The following PHC3 variants were observed in gnomAD, a reference collection of about 807,000 sequenced individuals.
PHC3 encodes the protein polyhomeotic-like protein 3.
In PHC3, 13 loss-of-function variants were observed where a neutral mutation model predicts 107.4. The ratio of observed to expected loss-of-function variants is 0.12; its 90% CI spans 0.08 to 0.19. PHC3 has a LOEUF of 0.19. Among genes scored for constraint, PHC3 ranks in the 10% least tolerant of loss-of-function variants. The pLI is 1.00. For synonymous variants in PHC3, 456 were observed against 427.4 expected, an observed-to-expected ratio of 1.07 and a Z score of -0.83; for missense variants, 992 against 1,210.9, an observed-to-expected ratio of 0.82 and a Z score of 2.68.
intron 6 of PHC3, among the ~76,000 whole-genome samples, chr3:170,140,193 C>T (rs540667903): frequency 4.2e-4 from 62 of 148,504 alleles, no homozygotes; most frequent in African/African-American, 1.5e-3. Context: ...CCCAGATAGC[C>T]TTACTGGGGA....
Position 170,129,192 on chromosome 3 carries a change from T to C in PHC3, c.1280A>G (p.His427Arg), listed in dbSNP as rs746800495. Residue 427 changes from histidine (H) to arginine (R), a missense_variant, in exon 8 of 15, where the codon CAT becomes CGT. By Grantham distance (29) the His-to-Arg change is conservative. This residue lies in a region of PHC3 where 543 missense variants were observed against 590.8 expected (regional missense o/e 0.92). Coordinates refer to ENST00000495893, the MANE Select transcript of PHC3 (RefSeq NM_024947.4). ...SPSQSPTIIIHPQALIQPHPL... is the reference protein window; with the variant it reads ...SPSQSPTIIIRPQALIQPHPL... ...GTGTGGCTGAATAAGTGCTTGTGGA[T>C]GAATAATTATAGTAGGAGACTGACT... 6.2e-7 allele frequency: 1 copy of C among 1,613,918 alleles called. No individual in the cohort carries two copies. Among genetic ancestry groups the C allele is most frequent in the Non-Finnish European group, 8.5e-7 (1 of 1,179,858 alleles).
chr3:170,099,965 G>T (rs1488691833), intron 14 of PHC3, among the ~76,000 whole-genome samples: 1 of 152,126 alleles, frequency 6.6e-6, no homozygotes, highest in African/African-American at 2.4e-5. Flanking sequence ...AAGATAACCC[G>T]CAGTAAATTG....
chr3:170,141,726 C>T (rs1384500399), intron 6 of PHC3, among the ~76,000 whole-genome samples: 9 of 152,140 alleles, frequency 5.9e-5, no homozygotes, highest in African/African-American at 2.2e-4. Flanking sequence ...ATCCTCCCAC[C>T]TCAGCCCCCC....
intron 11 of PHC3, among the ~76,000 whole-genome samples, chr3:170,111,241 C>T (rs189258577): frequency 3.9e-4 from 54 of 138,558 alleles, no homozygotes; most frequent in East Asian, 1.5e-3. Flanking sequence ...CCGGTGACTA[C>T]GATTTTCTTT....
chr3:170,117,833 A>G (rs1226058315), intron 9 of PHC3, among the ~76,000 whole-genome samples: 1 of 145,506 alleles, frequency 6.9e-6, no homozygotes, highest in East Asian at 2.4e-4. Context: ...CATCTCTACT[A>G]AAAAAAAAAC....
chr3:170,152,701 C>T (rs1726208796), intron 4 of PHC3, among the ~76,000 whole-genome samples: 1 of 151,776 alleles, frequency 6.6e-6, no homozygotes, highest in Admixed American at 6.6e-5. Context: ...CCCTCTGTCA[C>T]CCAGGCTGGG....
chr3:170,099,021 C>T (rs1421549371), intron 14 of PHC3, among the ~76,000 whole-genome samples: 1 of 152,080 alleles, frequency 6.6e-6, no homozygotes, highest in Non-Finnish European at 1.5e-5. Context: ...ATGTTCTTCT[C>T]TCTTCAGTCT....
At chr3:170,101,699 G>T (rs1185325273) in intron 14 of PHC3, among the ~76,000 whole-genome samples, 1 of 152,118 alleles carries the variant, frequency 6.6e-6, no homozygotes, top group Non-Finnish European at 1.5e-5. Context: ...TATAACTAGT[G>T]TGGGTCTCAT....
At chr3:170,115,433 C>T (rs1351972695) in intron 10 of PHC3, among the ~76,000 whole-genome samples, 1 of 151,934 alleles carries the variant, frequency 6.6e-6, no homozygotes, top group African/African-American at 2.4e-5. Context: ...TACATATATA[C>T]AATACATATG....
At chr3:170,146,524 C>CT (rs1050890392) in intron 5 of PHC3, among the ~76,000 whole-genome samples, 2 of 146,290 alleles carry the variant, frequency 1.4e-5, no homozygotes, top group African/African-American at 5.0e-5. Flanking sequence ...CTTTTTTTTC[C>CT]TTTTCTTTTT....
At chr3:170,129,644 G>A in intron 7 of PHC3, 92 bp from the exon 8 acceptor site, 2 of 1,221,132 alleles carry the variant, frequency 1.6e-6, no homozygotes, top group Non-Finnish European at 2.3e-6. Context: ...TTATCAGAAG[G>A]TCATAATCAT....
rs1327020757 is a variant in PHC3, at chr3:170,095,622, C to T, written c.*1608G>A. On this transcript the variant is annotated 3_prime_UTR_variant, in exon 15 of 15. Transcript: ENST00000495893. The stretch of plus-strand genomic sequence containing the variant: ...ACTCACGGACTCTTTTTTTCCCCTC[C>T]TTACTCGACTTCTGCCAAATATCTG... 2 of 152,084 alleles carry T rather than the reference C, an allele frequency of 1.3e-5. No individual in the cohort carries two copies. The highest frequency in any genetic ancestry group is 2.9e-5 in the Non-Finnish European group (2 of 68,000). 9.4% of individuals were successfully genotyped at this position (152,084 alleles called of 1,614,324 possible). A position where few individuals can be genotyped will look rare whatever the true frequency, so the allele number is the denominator to read the frequency against.
intron 7 of PHC3, 65 bp from the exon 8 acceptor site, chr3:170,129,617 A>G: frequency 1.4e-6 from 2 of 1,401,244 alleles, no homozygotes. Flanking sequence ...AAATCACTCT[A>G]AAGGAAAAAG....
chr3:170,146,877 C>CTTTTTT (rs1035803336), intron 5 of PHC3, among the ~76,000 whole-genome samples: 16 of 97,996 alleles, frequency 1.6e-4, no homozygotes, highest in Non-Finnish European at 2.5e-4. Context: ...TCTATTTTTT[C>CTTTTTT]TTTTTTTTTT....
At chr3:170,103,061 C>A (rs534288845) in intron 12 of PHC3, 127 bp from the exon 13 acceptor site, 8 of 956,632 alleles carry the variant, frequency 8.4e-6, no homozygotes, top group Non-Finnish European at 1.2e-5. Flanking sequence ...GAATGTAAGA[C>A]CTCATAAAGT....
rs767914326 is a variant in PHC3, at chr3:170,149,197, G to A, written c.462C>T (p.Ser154=). ...SPTPAQLISR[S]QASSSTSGSI... The stretch of plus-strand genomic sequence containing the variant: ...TGCCGCTGGTAGAACTGGAAGCCTG[G>A]GAACGGCTTATTAACTGTGCAGGTG... The change falls in exon 5 of 15, where the codon TCC becomes TCT. Residue 154 remains serine, a synonymous_variant. Transcript: ENST00000495893. 2 of 1,613,016 alleles carry A rather than the reference G, an allele frequency of 1.2e-6. No homozygotes were observed. The highest frequency in any genetic ancestry group is 1.7e-6 in the Non-Finnish European group (2 of 1,179,792).
Position 170,094,700 on chromosome 3 carries a change from T to A in PHC3, c.*2530A>T, listed in dbSNP as rs1370403472. Reference sequence around the variant, plus strand: ...TGATAGCAAACAAGCCATTTTTAAATAAAAACTCACTTGAAAAAAGCAAGT... The same window carrying A: ...TGATAGCAAACAAGCCATTTTTAAAAAAAAACTCACTTGAAAAAAGCAAGT... On this transcript the variant is annotated 3_prime_UTR_variant, in exon 15 of 15. Transcript: ENST00000495893. 6.6e-6 allele frequency: 1 copy of A among 152,150 alleles called. No individual in the cohort carries two copies. Among genetic ancestry groups the A allele is most frequent in the African/African-American group, 2.4e-5 (1 of 41,448 alleles). The allele number at this position is 152,150 out of a possible 1,614,324, so 9.4% of individuals were successfully genotyped here. A position where few individuals can be genotyped will look rare whatever the true frequency, so the allele number is the denominator to read the frequency against.
intron 12 of PHC3, 51 bp from the exon 13 acceptor site, chr3:170,102,985 T>C (rs1320569124): frequency 1.8e-5 from 27 of 1,525,046 alleles, no homozygotes; most frequent in African/African-American, 5.5e-5. Flanking sequence ...GGACAATCCA[T>C]TTAGTATTTA....
chr3:170,132,620 G>C (rs1347329090), intron 7 of PHC3, among the ~76,000 whole-genome samples: 1 of 152,216 alleles, frequency 6.6e-6, no homozygotes, highest in South Asian at 2.1e-4. Flanking sequence ...TGCAAGCCAG[G>C]AAGTGAGCCT....
Sources: gnomAD v4.1 joint callset for allele counts (sites outside exome capture counted in the v4.1 genomes callset) on GRCh38, gnomAD v4.1.1 for gene constraint, gnomAD v4.1.1 regional missense constraint, MANE v1.5 for transcripts, NCBI Gene and HGNC (gene_info 2026-07-23, HGNC 2026-07-21) for gene names.